The following DMRT1 variants were observed in gnomAD, a reference collection of about 807,000 sequenced individuals.
DMRT1 encodes the protein doublesex- and mab-3-related transcription factor 1.
DMRT1 carries 7 observed loss-of-function variants against 32.3 expected under a neutral mutation model. That is an observed-to-expected ratio of 0.22 (90% CI 0.12 to 0.41). The LOEUF (loss-of-function observed/expected upper bound fraction) is 0.41, where lower values mean the gene tolerates loss of function less well. Ranked by LOEUF, DMRT1 falls within the 10% of genes least tolerant of loss-of-function variation. DMRT1 has a pLI of 1.00. For missense variants in DMRT1, 625 were observed against 500.5 expected (o/e 1.25, Z -2.37); for synonymous variants, 278 against 206.1 (o/e 1.35, Z -2.99).
intron 4 of DMRT1, among the ~76,000 whole-genome samples, chr9:921,712 A>G (rs1586620862): frequency 6.6e-6 from 1 of 152,194 alleles, no homozygotes; most frequent in African/African-American, 2.4e-5. Context: ...CATCTCTACA[A>G]AAAAATAAAA....
chr9:924,093 C>CATA (rs1554757305), intron 4 of DMRT1, among the ~76,000 whole-genome samples: 12 of 146,656 alleles, frequency 8.2e-5, no homozygotes, highest in Non-Finnish European at 1.3e-4. Flanking sequence ...TTTTTTCCAC[C>CATA]TGGAGTCTCT....
chr9:902,642 C>A (rs2129684545), intron 3 of DMRT1, among the ~76,000 whole-genome samples: 1 of 151,896 alleles, frequency 6.6e-6, no homozygotes, highest in South Asian at 2.1e-4. Context: ...GCACACGCCA[C>A]CATACCCAGC....
At chr9:914,368 A>G (rs1481760518) in intron 3 of DMRT1, among the ~76,000 whole-genome samples, 1 of 151,988 alleles carries the variant, frequency 6.6e-6, no homozygotes. Context: ...AGGTCATGAG[A>G]TCGAGACCAT....
intron 2 of DMRT1, among the ~76,000 whole-genome samples, chr9:870,182 G>C (rs1816176560): frequency 6.6e-6 from 1 of 152,228 alleles, no homozygotes; most frequent in East Asian, 1.9e-4. Flanking sequence ...TGGATCACCT[G>C]AGGTCAGGAG....
intron 3 of DMRT1, among the ~76,000 whole-genome samples, chr9:904,683 G>A (rs750436934): frequency 6.6e-6 from 1 of 152,184 alleles, no homozygotes; most frequent in Non-Finnish European, 1.5e-5. Context: ...TATGGCTCAC[G>A]CCTGTAATCC....
intron 2 of DMRT1, among the ~76,000 whole-genome samples, chr9:880,003 C>G (rs1816666645): frequency 6.6e-6 from 1 of 152,130 alleles, no homozygotes; most frequent in African/African-American, 2.4e-5. Flanking sequence ...CATAAATTTT[C>G]TAAAATTCTA....
intron 2 of DMRT1, among the ~76,000 whole-genome samples, chr9:862,210 A>C (rs185698523): frequency 0.17 from 26,232 of 151,032 alleles, 2,596 homozygotes; most frequent in East Asian, 0.44. Flanking sequence ...AGCCTGGGCA[A>C]CACTGAGCAC....
chr9:880,878 G>A (rs1438441490), intron 2 of DMRT1, among the ~76,000 whole-genome samples: 4 of 152,138 alleles, frequency 2.6e-5, no homozygotes, highest in Non-Finnish European at 5.9e-5. Context: ...TTATGTTATT[G>A]CAAAAATACT....
chr9:928,476 A>C lies in DMRT1; in HGVS notation c.967+11569A>C, dbSNP rs1240949777. 3.3e-5 allele frequency among the ~76,000 whole-genome samples: 5 copies of C among 152,160 alleles called. No individual in the cohort carries two copies. In the East Asian group the frequency reaches 5.8e-4, roughly 18 times the overall value. On this transcript the variant is annotated intron_variant, in intron 4 of 4. Coordinates refer to ENST00000382276, the MANE Select transcript of DMRT1 (RefSeq NM_021951.3). ...TTCCCAGCCATACTCTCTGCCTCTTAGTTGCAGTGTCTTCTTACTAGAGAT... is the reference window on the plus strand; with the variant it reads ...TTCCCAGCCATACTCTCTGCCTCTTCGTTGCAGTGTCTTCTTACTAGAGAT...
chr9:867,776 A>C (rs1816058009), intron 2 of DMRT1, among the ~76,000 whole-genome samples: 1 of 152,176 alleles, frequency 6.6e-6, no homozygotes, highest in Non-Finnish European at 1.5e-5. Flanking sequence ...GTATCTTGGT[A>C]CAAGGGTAAG....
intron 4 of DMRT1, among the ~76,000 whole-genome samples, chr9:942,356 C>G (rs995604230): frequency 6.6e-6 from 1 of 152,156 alleles, no homozygotes; most frequent in Admixed American, 6.6e-5. Context: ...TCACTGCAAC[C>G]CCAACCTCGC....
intron 4 of DMRT1, among the ~76,000 whole-genome samples, chr9:934,514 A>G (rs1225652561): frequency 6.6e-6 from 1 of 152,180 alleles, no homozygotes; most frequent in Non-Finnish European, 1.5e-5. Flanking sequence ...TTGGGCAAAA[A>G]AATGAGACCC....
intron 2 of DMRT1, among the ~76,000 whole-genome samples, chr9:863,406 G>A (rs915119071): frequency 6.6e-6 from 1 of 151,906 alleles, no homozygotes; most frequent in Non-Finnish European, 1.5e-5. Flanking sequence ...AGACACAGGA[G>A]AGTTTCCAGG....
chr9:893,362 T>C (rs1000816325), intron 2 of DMRT1, among the ~76,000 whole-genome samples: 16 of 152,364 alleles, frequency 1.1e-4, no homozygotes, highest in African/African-American at 3.6e-4. Flanking sequence ...GATTGAATAG[T>C]TGACAAAACC....
chr9:901,491 T>C (rs1817573160), intron 3 of DMRT1, among the ~76,000 whole-genome samples: 1 of 151,984 alleles, frequency 6.6e-6, no homozygotes, highest in Non-Finnish European at 1.5e-5. Flanking sequence ...CATGCCTGGC[T>C]AATTTTTGTA....
chr9:876,071 A>G lies in DMRT1; in HGVS notation c.539-17841A>G, dbSNP rs141375401. Reference sequence around the variant, plus strand: ...GCTGCACCCTTTTATCCCTGTGGTTAGTGGTAGATTTGGTGGAGCAGTTAG... The same window carrying G: ...GCTGCACCCTTTTATCCCTGTGGTTGGTGGTAGATTTGGTGGAGCAGTTAG... On this transcript the variant is annotated intron_variant, in intron 2 of 4. Transcript: ENST00000382276. Among the ~76,000 whole-genome samples the G allele has an allele frequency of 7.9e-5, 12 of 152,266 alleles. No individual in the cohort carries two copies. The East Asian group carries it at 2.3e-3, about 29-fold the overall frequency.
intron 3 of DMRT1, among the ~76,000 whole-genome samples, chr9:901,046 G>A (rs1417943235): frequency 6.6e-6 from 1 of 151,238 alleles, no homozygotes; most frequent in African/African-American, 2.4e-5. Flanking sequence ...GAAGGATCTT[G>A]CTCTCTCACC....
rs796207815 is a variant in DMRT1, at chr9:913,588, C to G, written c.823-3175C>G. The stretch of plus-strand genomic sequence containing the variant: ...CAGCTGGAAACTGGATGGTTGTAAG[C>G]AACTGGTAATTTTTTTTTTTTTTTA... On this transcript the variant is annotated intron_variant, in intron 3 of 4. Transcript: ENST00000382276. 6.1e-5 allele frequency among the ~76,000 whole-genome samples: 9 copies of G among 148,260 alleles called. 1 individual carries two copies. The highest frequency in any genetic ancestry group is 2.3e-4 in the African/African-American group (9 of 38,444).
At chr9:874,494 G>A (rs1816409959) in intron 2 of DMRT1, among the ~76,000 whole-genome samples, 1 of 152,048 alleles carries the variant, frequency 6.6e-6, no homozygotes, top group South Asian at 2.1e-4. Context: ...TGTGTATGAG[G>A]CACACACAAG....
Sources: allele counts gnomAD v4.1 joint callset (sites outside exome capture counted in the v4.1 genomes callset), GRCh38; gene constraint gnomAD v4.1.1; transcripts MANE v1.5; gene names NCBI Gene and HGNC (gene_info 2026-07-23, HGNC 2026-07-21).